ASTN2: variants seen among roughly 807,000 people sequenced by gnomAD.
ASTN2 encodes the protein astrotactin-2.
A neutral mutation model predicts 139.8 loss-of-function variants in ASTN2; 54 were observed. That is an observed-to-expected ratio of 0.39 (90% CI 0.31 to 0.48). The LOEUF is 0.48. Among genes scored for constraint, ASTN2 ranks in the 20% least tolerant of loss-of-function variants. ASTN2 has a pLI of 0.95. For missense variants in ASTN2, 1,565 were observed against 1,725.1 expected (o/e 0.91, Z 1.64); for synonymous variants, 756 against 719.5 (o/e 1.05, Z -0.81).
intron 19 of ASTN2, among the ~76,000 whole-genome samples, chr9:116,549,667 A>G (rs1852257924): frequency 6.6e-6 from 1 of 152,220 alleles, no homozygotes; most frequent in Non-Finnish European, 1.5e-5. Flanking sequence ...CAAATGGGGC[A>G]GCAGACCCTG....
In ASTN2 at chr9:117,200,996, C is replaced by CTTTTTTTTT. The variant is rs777675838; in HGVS notation, c.1015+13353_1015+13361dup. ...AGCTATGAAACCATCTGGTCCTGGGCTTTTTTTTTTTTTTTTTTTGGTTGG... is the reference window on the plus strand; with the variant it reads ...AGCTATGAAACCATCTGGTCCTGGGCTTTTTTTTTTTTTTTTTTTTTTTTTTTTGGTTGG... On this transcript the variant is annotated intron_variant, in intron 3 of 22. Coordinates refer to ENST00000313400, the MANE Select transcript of ASTN2 (RefSeq NM_001365068.1). 5.2e-4 allele frequency among the ~76,000 whole-genome samples: 49 copies of CTTTTTTTTT among 94,930 alleles called. 1 individual carries two copies. Among genetic ancestry groups the CTTTTTTTTT allele is most frequent in the East Asian group, 1.3e-3 (4 of 2,998 alleles). 62.3% of individuals were successfully genotyped at this position (94,930 alleles called of 152,430 possible).
At chr9:116,756,215 GTAGCATGCTTATTTAAGCTACATTTC>G (rs1436092986) in intron 13 of ASTN2, among the ~76,000 whole-genome samples, 1 of 152,160 alleles carries the variant, frequency 6.6e-6, no homozygotes, top group African/African-American at 2.4e-5. Flanking sequence ...CCAAATGAGA[GTAGCATGCTTATTTAAGCTACATTTC>G]TAGGAACTCC....
intron 11 of ASTN2, among the ~76,000 whole-genome samples, chr9:116,850,472 C>T (rs1231157838): frequency 6.6e-6 from 1 of 152,168 alleles, no homozygotes; most frequent in African/African-American, 2.4e-5. Flanking sequence ...CTAGTGGTTA[C>T]TGGAGTCCTT....
chr9:116,513,312 A>T (rs1430470013), intron 19 of ASTN2, among the ~76,000 whole-genome samples: 2 of 152,174 alleles, frequency 1.3e-5, no homozygotes, highest in Non-Finnish European at 2.9e-5. Context: ...TTTATTTAAG[A>T]ATGTTGAATA....
At chr9:117,171,072 G>A (rs373228599) in intron 3 of ASTN2, among the ~76,000 whole-genome samples, 2 of 152,114 alleles carry the variant, frequency 1.3e-5, no homozygotes, top group East Asian at 1.9e-4. Flanking sequence ...AGCTCTCAGC[G>A]ACATCCCATA....
chr9:117,102,847 T>C (rs1829014104), intron 4 of ASTN2, among the ~76,000 whole-genome samples: 1 of 151,832 alleles, frequency 6.6e-6, no homozygotes, highest in Admixed American at 6.6e-5. Flanking sequence ...TTATCTTATG[T>C]GAATTATATC....
At chr9:117,323,080 TAG>T (rs1828385774) in intron 1 of ASTN2, among the ~76,000 whole-genome samples, 2 of 152,198 alleles carry the variant, frequency 1.3e-5, no homozygotes, top group Admixed American at 1.3e-4. Context: ...GCCCTGATGT[TAG>T]ATTGACAGTC....
intron 13 of ASTN2, among the ~76,000 whole-genome samples, chr9:116,775,803 G>A (rs1283476487): frequency 1.4e-5 from 2 of 147,448 alleles, no homozygotes; most frequent in East Asian, 2.0e-4. Context: ...GAAGGAGGAG[G>A]GAAGGAAGAA....
rs141870474 is a variant in ASTN2 at position 117,221,971 on chromosome 9, G to A, written c.631-7229C>T. Among the ~76,000 whole-genome samples, 553 of 152,262 alleles carry A rather than the reference G, an allele frequency of 3.6e-3. 6 individuals are homozygous for A. The highest frequency in any genetic ancestry group is 0.013 in the African/African-American group (523 of 41,566). Reference sequence around the variant, plus strand: ...GCCGACTCCCTCCAAAGCTGCTAAGGAAACGTGAATTGTGACAATTTGATC... The same window carrying A: ...GCCGACTCCCTCCAAAGCTGCTAAGAAAACGTGAATTGTGACAATTTGATC... On this transcript the variant is annotated intron_variant, in intron 2 of 22. Coordinates refer to ENST00000313400, the MANE Select transcript of ASTN2 (RefSeq NM_001365068.1).
At chr9:117,215,917 G>A (rs1327383484) in intron 2 of ASTN2, among the ~76,000 whole-genome samples, 5 of 152,182 alleles carry the variant, frequency 3.3e-5, no homozygotes, top group South Asian at 2.1e-4. Flanking sequence ...AAAAAATCAA[G>A]AGACCCAGAA....
rs1311718818 is a variant in ASTN2 at position 116,632,198 on chromosome 9, A to AGAGAG, written c.3073-11756_3073-11755insCTCTC. 6.5e-4 allele frequency among the ~76,000 whole-genome samples: 24 copies of AGAGAG among 36,766 alleles called. 1 individual carries two copies. The highest frequency in any genetic ancestry group is 7.8e-4 in the African/African-American group (7 of 9,014). 24.1% of individuals were successfully genotyped at this position (36,766 alleles called of 152,430 possible). ...AGAGAGAGAGAGGGAGAGAGAGAGA[A>AGAGAG]AGAAAGAAAAGAAAGAAAGAAAGAA... On this transcript the variant is annotated intron_variant, in intron 17 of 22. Transcript: ENST00000313400.
chr9:117,324,986 C>T (rs141717343), intron 1 of ASTN2, among the ~76,000 whole-genome samples: 23 of 152,134 alleles, frequency 1.5e-4, no homozygotes, highest in African/African-American at 5.5e-4. Context: ...TTGTCTAGGC[C>T]CCTAAAGCTG....
At chr9:117,203,349 T>G (rs964870554) in intron 3 of ASTN2, among the ~76,000 whole-genome samples, 3 of 152,122 alleles carry the variant, frequency 2.0e-5, no homozygotes, top group Non-Finnish European at 4.4e-5. Flanking sequence ...ATTCATCCAT[T>G]TGATCCTCTG....
intron 6 of ASTN2, among the ~76,000 whole-genome samples, chr9:117,022,449 A>C (rs796194414): frequency 2.2e-5 from 2 of 90,782 alleles, no homozygotes; most frequent in Admixed American, 1.0e-4. Flanking sequence ...GGGCAAAAAA[A>C]AAAAACAAAA....
intron 5 of ASTN2, among the ~76,000 whole-genome samples, chr9:117,059,008 T>C (rs6478277): frequency 0.6 from 91,788 of 151,986 alleles, 28,428 homozygotes; most frequent in East Asian, 0.72. Context: ...AGCAGAGAAA[T>C]CAGTGAAGGT....
rs1488670287 is a variant in ASTN2 at position 116,925,397 on chromosome 9, C to T, written c.1889+49811G>A. ...ATCATGATAGTCATTTTTCAAGTAG[C>T]TGTGTAATGGGGCAGAAGATGAGCT... is the stretch of plus-strand genomic sequence containing the variant. On this transcript the variant is annotated intron_variant, in intron 10 of 22. Coordinates refer to ENST00000313400, the MANE Select transcript of ASTN2 (RefSeq NM_001365068.1). 6.6e-5 allele frequency among the ~76,000 whole-genome samples: 10 copies of T among 152,272 alleles called. 1 individual carries two copies. The East Asian group carries it at 1.9e-3, about 29-fold the overall frequency.
intron 13 of ASTN2, among the ~76,000 whole-genome samples, chr9:116,774,921 A>G (rs943552032): frequency 6.6e-6 from 1 of 152,200 alleles, no homozygotes; most frequent in Non-Finnish European, 1.5e-5. Context: ...TGCATAATGC[A>G]TGGGACCACC....
intron 11 of ASTN2, among the ~76,000 whole-genome samples, chr9:116,824,308 A>G (rs116678258): frequency 0.026 from 3,904 of 152,296 alleles, 189 homozygotes; most frequent in African/African-American, 0.09. Context: ...TATGTGACCA[A>G]TAGTATGTGG....
chr9:117,352,104 A>T (rs923028315), intron 1 of ASTN2, among the ~76,000 whole-genome samples: 3 of 152,204 alleles, frequency 2.0e-5, no homozygotes, highest in Non-Finnish European at 2.9e-5. Context: ...ATCAGAGAGA[A>T]ACAGTCCCTT....
Sources: gnomAD v4.1 joint callset for allele counts (sites outside exome capture counted in the v4.1 genomes callset) on GRCh38, gnomAD v4.1.1 for gene constraint, MANE v1.5 for transcripts, NCBI Gene and HGNC (gene_info 2026-07-23, HGNC 2026-07-21) for gene names.